Variants in LARS1 observed in about 807,000 individuals in gnomAD.
The protein encoded by LARS1 is leucine--tRNA ligase, cytoplasmic.
LARS1 carries 100 observed loss-of-function variants against 162.8 expected under a neutral mutation model. The observed-to-expected ratio is 0.61, with a 90% CI of 0.52 to 0.73. The LOEUF is 0.73. LARS1 is among the 30% of genes least tolerant of loss of function. LARS1 has a pLI of 0.00. For synonymous variants in LARS1, 457 were observed against 462.8 expected (o/e 0.99, Z 0.16); for missense variants, 1,258 against 1,408.9 (o/e 0.89, Z 1.71).
intron 4 of LARS1, among the ~76,000 whole-genome samples, chr5:146,169,069 A>G (rs1355654108): frequency 6.6e-6 from 1 of 152,044 alleles, no homozygotes. Context: ...TATAATAATA[A>G]AAAATAAATA....
At chr5:146,141,712 CG>C (rs1360090693) in intron 20 of LARS1, among the ~76,000 whole-genome samples, 2 of 152,056 alleles carry the variant, frequency 1.3e-5, no homozygotes, top group Admixed American at 1.3e-4. Flanking sequence ...GTGAGGATCA[CG>C]TGAGTCTGCG....
At chr5:146,149,036 T>C (rs1055882018) in intron 15 of LARS1, among the ~76,000 whole-genome samples, 1 of 151,954 alleles carries the variant, frequency 6.6e-6, no homozygotes, top group Non-Finnish European at 1.5e-5. Flanking sequence ...GATCGCGCCA[T>C]TGCATTCCAG....
chr5:146,123,799 T>C (rs1751931285), intron 29 of LARS1, among the ~76,000 whole-genome samples, 183 bp downstream of exon 29: 1 of 151,896 alleles, frequency 6.6e-6, no homozygotes, highest in Non-Finnish European at 1.5e-5. Flanking sequence ...CATATCACTT[T>C]TTTTCCTGCA....
intron 26 of LARS1, 85 bp from the exon 27 acceptor site, chr5:146,128,867 A>C: frequency 7.1e-7 from 1 of 1,409,766 alleles, no homozygotes; most frequent in Non-Finnish European, 9.8e-7. Flanking sequence ...ATACACCACC[A>C]CGGTCTTCAC....
chr5:146,170,969 A>G (rs987993728), intron 4 of LARS1, among the ~76,000 whole-genome samples: 2 of 152,124 alleles, frequency 1.3e-5, no homozygotes, highest in African/African-American at 4.8e-5. Context: ...AAATATGGCA[A>G]ACGTTAAGAC....
At chr5:146,130,861 A>T (rs1752245172) in intron 24 of LARS1, 158 bp downstream of exon 24, 1 of 469,654 alleles carries the variant, frequency 2.1e-6, no homozygotes, top group Non-Finnish European at 3.7e-6. Context: ...ATAATAACTT[A>T]AAATCACAAT....
At chr5:146,125,796 G>A (rs1752018801) in intron 28 of LARS1, among the ~76,000 whole-genome samples, 2 of 151,966 alleles carry the variant, frequency 1.3e-5, no homozygotes, top group Non-Finnish European at 1.5e-5. Context: ...CGACGTATAT[G>A]AAGAAAACTA....
rs748115360 is a variant in LARS1 at position 146,132,957 on chromosome 5, G to C, written c.2337C>G (p.Ala779=). ...GACCACTTCTTAGGCTGTCCCAGTT[G>C]GCAACCATTTCTTTCACCCACTCTA... is the stretch of plus-strand genomic sequence containing the variant. The part of the protein sequence containing the change: ...TWVEWVKEMV[A]NWDSLRSGPA... Residue 779 remains alanine, a synonymous_variant, in exon 23 of 32, where the codon GCC becomes GCG. Transcript: ENST00000394434. 23 of 1,613,942 alleles carry C rather than the reference G, an allele frequency of 1.4e-5. No individual in the cohort carries two copies. The highest frequency in any genetic ancestry group is 1.6e-4 in the Middle Eastern group (1 of 6,084).
intron 15 of LARS1, among the ~76,000 whole-genome samples, chr5:146,147,421 A>C (rs1186694391): frequency 1.3e-5 from 2 of 151,762 alleles, no homozygotes; most frequent in Non-Finnish European, 2.9e-5. Context: ...AAAAAAAATC[A>C]GTCAGAAAAC....
At chr5:146,166,629 A>C (rs1754017524) in intron 5 of LARS1, among the ~76,000 whole-genome samples, 1 of 152,228 alleles carries the variant, frequency 6.6e-6, no homozygotes, top group African/African-American at 2.4e-5. Context: ...GGACAGATTA[A>C]GTAAGTGGGG....
At chr5:146,161,236 G>C (rs1005696365) in intron 6 of LARS1, among the ~76,000 whole-genome samples, 2 of 152,156 alleles carry the variant, frequency 1.3e-5, no homozygotes, top group Non-Finnish European at 2.9e-5. Context: ...TGTAATCTTT[G>C]TGCTGGTGGA....
intron 30 of LARS1, among the ~76,000 whole-genome samples, chr5:146,121,140 TG>T (rs1751802822): frequency 6.6e-6 from 1 of 152,180 alleles, no homozygotes; most frequent in African/African-American, 2.4e-5. Flanking sequence ...CTCAAATGAC[TG>T]AACTATTAAA....
chr5:146,161,009 T>C (rs1487545509), intron 6 of LARS1, among the ~76,000 whole-genome samples: 1 of 152,194 alleles, frequency 6.6e-6, no homozygotes, highest in African/African-American at 2.4e-5. Flanking sequence ...TACAGACATA[T>C]CTGGGAGATA....
In LARS1 at chr5:146,142,855, C is replaced by T; in HGVS notation, c.2090+17G>A. 1 of 1,591,426 alleles carries T rather than the reference C, an allele frequency of 6.3e-7. No homozygotes were observed. The highest frequency in any genetic ancestry group is 8.6e-7 in the Non-Finnish European group (1 of 1,160,394). ...TGACAATCAATAAATCTAGTCCACA[C>T]CTATTTTATCATTCACCTTTGTTCC... On this transcript the variant is annotated intron_variant, in intron 20 of 31. Coordinates refer to ENST00000394434, the MANE Select transcript of LARS1 (RefSeq NM_020117.11).
In LARS1 at chr5:146,126,536, CG is replaced by C. The variant is rs1473633538; in HGVS notation, c.2889del (p.Asn963LysfsTer14). 2.5e-6 allele frequency: 4 copies of C among 1,609,360 alleles called. No homozygotes were observed. Among genetic ancestry groups the C allele is most frequent in the Non-Finnish European group, 3.4e-6 (4 of 1,176,580 alleles). On this transcript the variant is annotated frameshift_variant, in exon 28 of 32. Coordinates refer to ENST00000394434, the MANE Select transcript of LARS1 (RefSeq NM_020117.11). LOFTEE classifies it high-confidence loss of function. The part of the protein sequence containing the change: ...SVLRKHFEAN[N>X]GKLPDNKVIA... Reference sequence around the variant, plus strand: ...ATGACTTTGTTGTCAGGCAGTTTTCCGTTATTGGCCTAAGAAAAGGAAGGAG... The same window carrying C: ...ATGACTTTGTTGTCAGGCAGTTTTCCTTATTGGCCTAAGAAAAGGAAGGAG...
At chr5:146,128,878 C>A in intron 26 of LARS1, 96 bp from the exon 27 acceptor site, 3 of 1,421,840 alleles carry the variant, frequency 2.1e-6, no homozygotes, top group South Asian at 2.5e-5. Context: ...CGGTCTTCAC[C>A]ATTAATGAAA....
chr5:146,173,591 A>T (rs79548340), intron 2 of LARS1, among the ~76,000 whole-genome samples: 1 of 151,296 alleles, frequency 6.6e-6, no homozygotes, highest in South Asian at 2.1e-4. Flanking sequence ...AGGGTTCTCA[A>T]TATAAGAACC....
chr5:146,127,958 C>G (rs987990455), intron 27 of LARS1, among the ~76,000 whole-genome samples: 6 of 152,086 alleles, frequency 3.9e-5, no homozygotes, highest in African/African-American at 9.7e-5. Context: ...GACCACAATC[C>G]GTATTTTGTC....
At chr5:146,145,462 G>C (rs773651555) in intron 15 of LARS1, among the ~76,000 whole-genome samples, 3 of 151,852 alleles carry the variant, frequency 2.0e-5, no homozygotes, top group Non-Finnish European at 4.4e-5. Context: ...AGAAAATCTT[G>C]TTACTAAAGA....
Sources: gnomAD v4.1 joint callset for allele counts (sites outside exome capture counted in the v4.1 genomes callset) on GRCh38, gnomAD v4.1.1 for gene constraint, MANE v1.5 for transcripts, NCBI Gene and HGNC (gene_info 2026-07-23, HGNC 2026-07-21) for gene names.